Variants in DIAPH2 observed in about 807,000 individuals in gnomAD.
DIAPH2 encodes the protein diaphanous related formin 2.
In DIAPH2, 35 loss-of-function variants were observed where a neutral mutation model predicts 92.7. That is an observed-to-expected ratio of 0.38 (90% CI 0.29 to 0.50). DIAPH2 has a LOEUF of 0.50. DIAPH2 is among the 20% of genes least tolerant of loss of function. The pLI is 0.94. For missense variants in DIAPH2, 701 were observed against 819.5 expected (o/e 0.86, Z 1.77); for synonymous variants, 301 against 280.4 (o/e 1.07, Z -0.73).
Position 97,229,882 on chromosome X carries a change from A to AAT in DIAPH2, c.2720-17830_2720-17829dup, listed in dbSNP as rs749290219. Among the ~76,000 whole-genome samples, 48 of 98,773 alleles carry AAT rather than the reference A, an allele frequency of 4.9e-4. No homozygotes were observed. The South Asian group carries it at 5.3e-3, about 11-fold the overall frequency. The allele number at this position is 98,773 out of a possible 115,157, so 85.8% of individuals were successfully genotyped here. A position where few individuals can be genotyped will look rare whatever the true frequency, so the allele number is the denominator to read the frequency against. On this transcript the variant is annotated intron_variant, in intron 22 of 26. Transcript: ENST00000324765. ...TTATATATTATATATAATAAGATGT[A>AAT]ATATTGTTATTATATATGATAACAA...
At chrX:97,131,123 T>A (rs2067135058) in intron 21 of DIAPH2, among the ~76,000 whole-genome samples, 1 of 108,626 alleles carries the variant, frequency 9.2e-6, no homozygotes, top group Non-Finnish European at 1.9e-5. Context: ...AATAAATAAA[T>A]AAAAAAGTGT....
At chrX:96,962,288 T>TATATATATACACATATATATATATACAC (rs1569436384) in intron 16 of DIAPH2, among the ~76,000 whole-genome samples, 8 of 63,492 alleles carry the variant, frequency 1.3e-4, no homozygotes, top group African/African-American at 4.9e-4. Flanking sequence ...TATATATACA[T>TATATATATACACATATATATATATACAC]ATATATATAT....
chrX:96,697,571 G>T (rs939117818), intron 1 of DIAPH2, among the ~76,000 whole-genome samples: 1 of 110,977 alleles, frequency 9.0e-6, no homozygotes, highest in Non-Finnish European at 1.9e-5. Context: ...GCTTGATCCC[G>T]GGAGGCAGAG....
intron 1 of DIAPH2, among the ~76,000 whole-genome samples, chrX:96,729,787 C>T (rs1224145450): frequency 8.9e-6 from 1 of 111,980 alleles, no homozygotes; most frequent in Non-Finnish European, 1.9e-5. Flanking sequence ...TAGCAAAGAA[C>T]TCTGGTGGGT....
At chrX:96,838,271 A>T (rs2064912169) in intron 4 of DIAPH2, among the ~76,000 whole-genome samples, 1 of 111,883 alleles carries the variant, frequency 8.9e-6, no homozygotes. Context: ...ATTTCTTCAG[A>T]ATCAAAACAG....
intron 25 of DIAPH2, among the ~76,000 whole-genome samples, chrX:97,416,556 A>G (rs180674977): frequency 8.9e-6 from 1 of 112,284 alleles, no homozygotes; most frequent in Admixed American, 9.4e-5. Context: ...TAAAACAGAT[A>G]CTAAGAGTTA....
intron 20 of DIAPH2, among the ~76,000 whole-genome samples, chrX:97,107,852 T>C (rs1157052575): frequency 1.8e-5 from 2 of 111,632 alleles, no homozygotes; most frequent in Non-Finnish European, 3.8e-5. Flanking sequence ...GGGGGATCAG[T>C]TTTTCTCCCA....
chrX:96,772,719 ATGAACT>A (rs1458121642), intron 4 of DIAPH2, among the ~76,000 whole-genome samples: 2 of 112,259 alleles, frequency 1.8e-5, no homozygotes, highest in East Asian at 5.6e-4. Flanking sequence ...ATAGAAAAAA[ATGAACT>A]TTAACAGCAT....
intron 9 of DIAPH2, among the ~76,000 whole-genome samples, chrX:96,921,399 T>G (rs1242806342): frequency 8.9e-6 from 1 of 111,837 alleles, no homozygotes; most frequent in Non-Finnish European, 1.9e-5. Flanking sequence ...AAGCACAGAT[T>G]ATACACCAGC....
At chrX:97,500,796 A>C (rs1422838864) in intron 26 of DIAPH2, among the ~76,000 whole-genome samples, 3 of 77,241 alleles carry the variant, frequency 3.9e-5, no homozygotes, top group Non-Finnish European at 7.4e-5. Flanking sequence ...ATATATATAT[A>C]TATATATCCT....
intron 15 of DIAPH2, among the ~76,000 whole-genome samples, chrX:96,951,829 A>AATAT (rs1433491679): frequency 8.9e-6 from 1 of 111,847 alleles, no homozygotes; most frequent in African/African-American, 3.3e-5. Context: ...AAATCTGTAA[A>AATAT]ATATATATTT....
chrX:96,831,031 C>T (rs1298964367), intron 4 of DIAPH2, among the ~76,000 whole-genome samples: 1 of 111,885 alleles, frequency 8.9e-6, no homozygotes, highest in Non-Finnish European at 1.9e-5. Context: ...TCTGCTGTTA[C>T]TCTTCCCCTG....
intron 8 of DIAPH2, among the ~76,000 whole-genome samples, chrX:96,918,060 C>T (rs1345289883): frequency 9.0e-6 from 1 of 110,520 alleles, no homozygotes; most frequent in Admixed American, 9.7e-5. Context: ...CCTTTTGATG[C>T]CCTAAAATTA....
At chrX:97,449,610 T>A (rs1422013919) in intron 26 of DIAPH2, 1 of 683,244 alleles carries the variant, frequency 1.5e-6, no homozygotes, top group Non-Finnish European at 1.7e-6. Context: ...GAAGGTAGTA[T>A]TTTCAATTGG....
intron 1 of DIAPH2, among the ~76,000 whole-genome samples, chrX:96,734,904 G>T (rs916747041): frequency 1.5e-4 from 16 of 109,873 alleles, no homozygotes; most frequent in African/African-American, 5.3e-4. Context: ...AGCTTCTGTT[G>T]TAAGAAATAA....
rs144452347 is a variant in DIAPH2 at position 96,906,815 on chromosome X, G to C, written c.588-5513G>C. Among the ~76,000 whole-genome samples, 521 of 111,801 alleles carry C rather than the reference G, an allele frequency of 4.7e-3. 3 individuals carry two copies. The highest frequency in any genetic ancestry group is 0.016 in the African/African-American group (493 of 30,756). On this transcript the variant is annotated intron_variant, in intron 5 of 26. Transcript: ENST00000324765. Reference sequence around the variant, plus strand: ...TTTTTGAGCAGCGTAACAGATATTAGCCTCCCTGATAGATACAGCCAAACC... The same window carrying C: ...TTTTTGAGCAGCGTAACAGATATTACCCTCCCTGATAGATACAGCCAAACC...
In DIAPH2 at chrX:97,383,959, G is replaced by A. The variant is rs1289022144; in HGVS notation, c.3060G>A (p.Arg1020=). 5 of 1,203,404 alleles carry A rather than the reference G, an allele frequency of 4.2e-6. No individual in the cohort carries two copies. Among genetic ancestry groups the A allele is most frequent in the African/African-American group, 3.5e-5 (2 of 56,917 alleles). Residue 1020 remains arginine (R), a synonymous_variant, in exon 25 of 27, where the codon AGG becomes AGA. Coordinates refer to ENST00000324765, the MANE Select transcript of DIAPH2 (RefSeq NM_006729.5). The stretch of plus-strand genomic sequence containing the variant: ...GAAGAGAAATGGAAGAGAAGACCAG[G>A]AGGGCAAAACTTGCAAAAGAGAAAG... ...NKRREMEEKT[R]RAKLAKEKAE...
intron 19 of DIAPH2, among the ~76,000 whole-genome samples, chrX:97,083,253 C>T (rs183035762): frequency 1.6e-3 from 182 of 111,651 alleles, no homozygotes; most frequent in East Asian, 8.4e-4. Context: ...ACGGGTATAA[C>T]GTAATGGTAT....
At chrX:97,474,177 C>T (rs1474526470) in intron 26 of DIAPH2, among the ~76,000 whole-genome samples, 4 of 111,821 alleles carry the variant, frequency 3.6e-5, no homozygotes, top group African/African-American at 1.3e-4. Context: ...GAAAGTTTGC[C>T]GACTGCTGGA....
Sources: gnomAD v4.1 joint callset for allele counts (sites outside exome capture counted in the v4.1 genomes callset) on GRCh38, gnomAD v4.1.1 for gene constraint, MANE v1.5 for transcripts, NCBI Gene and HGNC (gene_info 2026-07-23, HGNC 2026-07-21) for gene names.